Variants in MAGI2 observed in about 807,000 individuals in gnomAD.
MAGI2 encodes the protein membrane-associated guanylate kinase, WW and PDZ domain-containing protein 2.
MAGI2 carries 35 observed loss-of-function variants against 133.3 expected under a neutral mutation model. The ratio of observed to expected loss-of-function variants is 0.26; its 90% CI spans 0.20 to 0.35. The LOEUF (loss-of-function observed/expected upper bound fraction) is 0.35. MAGI2 is among the 10% of genes least tolerant of loss of function. The probability of loss-of-function intolerance (pLI) is 1.00; values close to 1 mark genes in which losing one functional copy is unlikely to be tolerated. For synonymous variants in MAGI2, 729 were observed against 710.6 expected, an observed-to-expected ratio of 1.03 and a Z score of -0.41; for missense variants, 1,636 against 1,863.4, an observed-to-expected ratio of 0.88 and a Z score of 2.25.
intron 2 of MAGI2, among the ~76,000 whole-genome samples, chr7:78,633,077 G>C (rs995704066): frequency 2.0e-5 from 3 of 152,214 alleles, no homozygotes; most frequent in Non-Finnish European, 4.4e-5. Context: ...ATGAACGACA[G>C]CATGTATTCT....
chr7:78,058,003 A>ATATATATATATATATATGTGTGTGTGTG, intron 21 of MAGI2, among the ~76,000 whole-genome samples: 2 of 117,028 alleles, frequency 1.7e-5, no homozygotes, highest in Non-Finnish European at 3.6e-5. Flanking sequence ...ATATATATAT[A>ATATATATATATATATATGTGTGTGTGTG]TGTATGAGAA....
intron 1 of MAGI2, among the ~76,000 whole-genome samples, chr7:79,123,877 T>G (rs887246205): frequency 6.6e-5 from 10 of 151,952 alleles, no homozygotes; most frequent in African/African-American, 2.4e-4. Context: ...CAGTCACTAT[T>G]TTACTCGTTC....
chr7:78,628,840 G>A (rs1210427389), intron 2 of MAGI2, among the ~76,000 whole-genome samples: 2 of 149,696 alleles, frequency 1.3e-5, no homozygotes, highest in East Asian at 2.0e-4. Context: ...TGACTTTTAT[G>A]TGCTTAACCC....
intron 2 of MAGI2, among the ~76,000 whole-genome samples, chr7:78,988,240 C>A (rs1262376394): frequency 6.6e-6 from 1 of 152,016 alleles, no homozygotes; most frequent in Non-Finnish European, 1.5e-5. Flanking sequence ...CAACTACAAA[C>A]AAAGCCACAA....
At chr7:78,858,546 A>G (rs1793862268) in intron 2 of MAGI2, among the ~76,000 whole-genome samples, 1 of 152,088 alleles carries the variant, frequency 6.6e-6, no homozygotes, top group Non-Finnish European at 1.5e-5. Context: ...TTCAGTTTCC[A>G]TGTAGTTGAG....
At chr7:79,203,756 C>A (rs1287721127) in intron 1 of MAGI2, among the ~76,000 whole-genome samples, 2 of 152,022 alleles carry the variant, frequency 1.3e-5, no homozygotes, top group African/African-American at 4.8e-5. Flanking sequence ...ACCAACGCAC[C>A]AATGTAAAAT....
chr7:79,168,939 T>G (rs1163993909), intron 1 of MAGI2, among the ~76,000 whole-genome samples: 3 of 148,344 alleles, frequency 2.0e-5, no homozygotes, highest in African/African-American at 5.0e-5. Context: ...TATATAAATT[T>G]TTTTTCCCTT....
chr7:78,490,750 G>T (rs1793527202), intron 5 of MAGI2, among the ~76,000 whole-genome samples: 1 of 152,100 alleles, frequency 6.6e-6, no homozygotes, highest in African/African-American at 2.4e-5. Context: ...ACCACTCATG[G>T]CTCACATAAC....
At chr7:78,095,677 TG>T (rs1432683526) in intron 20 of MAGI2, among the ~76,000 whole-genome samples, 1 of 152,092 alleles carries the variant, frequency 6.6e-6, no homozygotes, top group African/African-American at 2.4e-5. Context: ...TCATGGAGAA[TG>T]GGGTGGGATG....
rs71085571 is a variant in MAGI2, at chr7:78,909,429, TAA to T, written c.418+97659_418+97660del. The stretch of plus-strand genomic sequence containing the variant: ...TAACATGGTGAAACCCCGTCTCTAC[TAA>T]AAAAAAAAAAAAACAAAAAAAATTA... On this transcript the variant is annotated intron_variant, in intron 2 of 21. Transcript: ENST00000354212. Among the ~76,000 whole-genome samples, 225 of 132,924 alleles carry T rather than the reference TAA, an allele frequency of 1.7e-3. 1 individual carries two copies. Among genetic ancestry groups the T allele is most frequent in the African/African-American group, 4.7e-3 (169 of 36,068 alleles). The allele number at this position is 132,924 out of a possible 152,430, so 87.2% of individuals were successfully genotyped here.
chr7:78,869,738 CAG>C (rs1794871385), intron 2 of MAGI2, among the ~76,000 whole-genome samples: 1 of 152,182 alleles, frequency 6.6e-6, no homozygotes, highest in African/African-American at 2.4e-5. Context: ...AACAGCAAGG[CAG>C]AAATCTGCTC....
intron 6 of MAGI2, among the ~76,000 whole-genome samples, chr7:78,445,042 G>A (rs1787996002): frequency 6.6e-6 from 1 of 151,752 alleles, no homozygotes; most frequent in Non-Finnish European, 1.5e-5. Context: ...CAGGGGGCAA[G>A]AAGATCTCCT....
Position 78,381,826 on chromosome 7 carries a change from C to T in MAGI2, c.1046-12613G>A, listed in dbSNP as rs145861405. On this transcript the variant is annotated intron_variant, in intron 6 of 21. Coordinates refer to ENST00000354212, the MANE Select transcript of MAGI2 (RefSeq NM_012301.4). ...TAGACAAGGTTGTGGGGAAACTGTCCCCTCATACCTTACTGGTGGATGGAC... is the reference window on the plus strand; with the variant it reads ...TAGACAAGGTTGTGGGGAAACTGTCTCCTCATACCTTACTGGTGGATGGAC... 3.4e-4 allele frequency among the ~76,000 whole-genome samples: 52 copies of T among 152,212 alleles called. No homozygotes were observed. The East Asian group carries it at 9.5e-3, about 28-fold the overall frequency.
chr7:78,688,768 T>C (rs947277037), intron 2 of MAGI2, among the ~76,000 whole-genome samples: 6 of 152,188 alleles, frequency 3.9e-5, no homozygotes, highest in Non-Finnish European at 8.8e-5. Flanking sequence ...TAAATGCTAA[T>C]ACAAGATTTA....
intron 21 of MAGI2, among the ~76,000 whole-genome samples, chr7:78,038,852 T>C (rs964205968): frequency 9.9e-5 from 15 of 152,242 alleles, no homozygotes; most frequent in African/African-American, 3.6e-4. Flanking sequence ...TTGGTTTAGT[T>C]AAGTTCGTGG....
intron 1 of MAGI2, among the ~76,000 whole-genome samples, chr7:79,163,490 A>T (rs1419708694): frequency 1.3e-5 from 2 of 152,068 alleles, no homozygotes; most frequent in Non-Finnish European, 2.9e-5. Flanking sequence ...GACAATTTAG[A>T]CACTGAGGAT....
At chr7:79,062,331 A>G (rs923467146) in intron 1 of MAGI2, among the ~76,000 whole-genome samples, 1 of 152,080 alleles carries the variant, frequency 6.6e-6, no homozygotes, top group Admixed American at 6.6e-5. Flanking sequence ...CTATCTACAT[A>G]TTGCCATTTC....
At chr7:79,452,000 C>G (rs1354618590) in intron 1 of MAGI2, among the ~76,000 whole-genome samples, 2 of 152,196 alleles carry the variant, frequency 1.3e-5, no homozygotes, top group South Asian at 4.1e-4. Context: ...ACAGGGAGTT[C>G]TGGATGATTC....
At position 78,309,606 on chromosome 7, in the gene MAGI2, C is replaced by G. The variant is rs562580355; in HGVS notation, c.1408+34172G>C. Among the ~76,000 whole-genome samples the G allele has an allele frequency of 2.0e-5, 3 of 152,160 alleles. No homozygotes were observed. The South Asian group carries it at 6.2e-4, about 32-fold the overall frequency. ...ACTTGGGTGAAGGAATCATATACCC[C>G]AAACGTCAGTGTCACACAATATACC... On this transcript the variant is annotated intron_variant, in intron 9 of 21. Transcript: ENST00000354212.
Sources: allele counts gnomAD v4.1 joint callset (sites outside exome capture counted in the v4.1 genomes callset), GRCh38; gene constraint gnomAD v4.1.1; transcripts MANE v1.5; gene names NCBI Gene and HGNC (gene_info 2026-07-23, HGNC 2026-07-21).